QSER1: variants seen among roughly 807,000 people sequenced by gnomAD.
QSER1 encodes the protein glutamine and serine-rich protein 1.
Under a neutral mutation model 158.5 loss-of-function variants are expected in QSER1, and 49 were observed. The observed-to-expected ratio is 0.31, with a 90% CI of 0.25 to 0.39. QSER1 has a LOEUF of 0.39. Ranked by LOEUF, QSER1 falls within the 10% of genes least tolerant of loss-of-function variation. The probability of loss-of-function intolerance (pLI) is 1.00; values close to 1 mark genes in which losing one functional copy is unlikely to be tolerated. For synonymous variants in QSER1, 650 were observed against 715.5 expected (o/e 0.91, Z 1.46); for missense variants, 1,754 against 2,010.3 (o/e 0.87, Z 2.44).
intron 10 of QSER1, among the ~76,000 whole-genome samples, chr11:32,972,406 CTTA>C (rs1250685262): frequency 2.1e-5 from 3 of 140,920 alleles, no homozygotes; most frequent in Admixed American, 1.4e-4. Flanking sequence ...AGGCCAGTGG[CTTA>C]TTTATTTATT....
At chr11:32,957,705 T>C (rs1057061064) in intron 7 of QSER1, 164 bp from the exon 8 acceptor site, 1 of 601,522 alleles carries the variant, frequency 1.7e-6, no homozygotes, top group Non-Finnish European at 2.9e-6. Flanking sequence ...GAAAATTTTA[T>C]GGGAATCACC....
Position 32,931,945 on chromosome 11 carries a change from A to G in QSER1, c.687A>G (p.Leu229=), listed in dbSNP as rs770507707. Residue 229 remains leucine (L), a synonymous_variant, in exon 4 of 13, where the codon CTA becomes CTG. Transcript: ENST00000650167. ...NGILSHHDPL[L]QIKTSQGTVP... is the part of the protein sequence containing the mutation. ...TTTTAAGTCATCATGACCCTTTGCT[A>G]CAAATCAAGACTTCCCAGGGAACTG... The G allele has an allele frequency of 1.7e-5, 27 of 1,614,196 alleles. No individual in the cohort carries two copies. In the East Asian group the frequency reaches 5.6e-4, roughly 33 times the overall value.
chr11:32,914,235 A>G (rs927533373), intron 1 of QSER1, among the ~76,000 whole-genome samples: 1 of 152,226 alleles, frequency 6.6e-6, no homozygotes, highest in Non-Finnish European at 1.5e-5. Context: ...AAAGAACATT[A>G]GGCTTTATAA....
intron 1 of QSER1, among the ~76,000 whole-genome samples, chr11:32,897,839 G>T (rs748981076): frequency 1.3e-5 from 2 of 152,146 alleles, no homozygotes; most frequent in Non-Finnish European, 2.9e-5. Flanking sequence ...CTCTAGTGAG[G>T]CCCATCTCAG....
intron 3 of QSER1, among the ~76,000 whole-genome samples, chr11:32,929,529 A>G (rs1217341492): frequency 6.6e-6 from 1 of 152,158 alleles, no homozygotes; most frequent in Non-Finnish European, 1.5e-5. Context: ...TGATTTTACT[A>G]TCATACGGCC....
rs1852503164 is a variant in QSER1 at position 32,955,934 on chromosome 11, A to G, written c.4618-54A>G. On this transcript the variant is annotated intron_variant, in intron 6 of 12. Transcript: ENST00000650167. ...GGATAGTCAATTGAACAAACAAAGT[A>G]GCATTTGTATCTAGATTGTTCAATT... The G allele has an allele frequency of 2.0e-6, 3 of 1,503,250 alleles. No homozygotes were observed. In the African/African-American group the frequency reaches 4.2e-5, roughly 21 times the overall value. The allele number at this position is 1,503,250 out of a possible 1,614,324, so 93.1% of individuals were successfully genotyped here. A position where few individuals can be genotyped will look rare whatever the true frequency, so the allele number is the denominator to read the frequency against.
intron 1 of QSER1, among the ~76,000 whole-genome samples, chr11:32,911,292 T>C (rs915517784): frequency 1.3e-5 from 2 of 151,920 alleles, no homozygotes; most frequent in African/African-American, 4.8e-5. Flanking sequence ...CTGGGGGTGG[T>C]GGGGGAAGAC....
chr11:32,905,015 G>A (rs1851674374), intron 1 of QSER1, among the ~76,000 whole-genome samples: 11 of 152,158 alleles, frequency 7.2e-5, no homozygotes. Context: ...TAAAGAATAT[G>A]TTTAATGGGG....
In QSER1 at chr11:32,893,492, C is replaced by T. The variant is rs912057852; in HGVS notation, c.209+158C>T. ...CGGGGGAGGCGGCTGATGACTCCTA[C>T]GGGGTGGTCGCGGGTAGGTGGGGGC... On this transcript the variant is annotated intron_variant, in intron 1 of 12. Coordinates refer to ENST00000650167, the MANE Select transcript of QSER1 (RefSeq NM_001076786.3). This position sits in a 1 kb window ranked among gnomAD's most constrained non-coding sequence, Gnocchi z 4.7. 6.6e-6 allele frequency among the ~76,000 whole-genome samples: 1 copy of T among 152,146 alleles called. No individual in the cohort carries two copies. Among genetic ancestry groups the T allele is most frequent in the African/African-American group, 2.4e-5 (1 of 41,448 alleles).
chr11:32,898,527 CACAT>C (rs939967137), intron 1 of QSER1, among the ~76,000 whole-genome samples: 2 of 137,124 alleles, frequency 1.5e-5, no homozygotes, highest in East Asian at 2.2e-4. Context: ...CACACACACA[CACAT>C]TGTAATGTGC....
chr11:32,954,284 GT>G, intron 5 of QSER1, 105 bp downstream of exon 5: 1 of 1,284,978 alleles, frequency 7.8e-7, no homozygotes, highest in Non-Finnish European at 1.1e-6. Flanking sequence ...ATTATGGGAA[GT>G]TTTATGCATT....
rs185578002 is a variant in QSER1, at chr11:32,949,670, C to A, written c.4178-4187C>A. 7.6e-4 allele frequency among the ~76,000 whole-genome samples: 116 copies of A among 152,192 alleles called. 1 individual carries two copies. In the Middle Eastern group the frequency reaches 0.01, roughly 13 times the overall value. On this transcript the variant is annotated intron_variant, in intron 4 of 12. Transcript: ENST00000650167. Reference sequence around the variant, plus strand: ...ATATTTTTGTGACAGAAAAGTATGACAATGTAACTATAGCATTATAGAAAT... The same window carrying A: ...ATATTTTTGTGACAGAAAAGTATGAAAATGTAACTATAGCATTATAGAAAT...
At chr11:32,950,419 T>C (rs77146504) in intron 4 of QSER1, among the ~76,000 whole-genome samples, 3,608 of 152,282 alleles carry the variant, frequency 0.024, 69 homozygotes, top group African/African-American at 0.054. Flanking sequence ...TATTTACTTA[T>C]TGTTGTATAT....
At chr11:32,952,271 T>G (rs1762230352) in intron 4 of QSER1, among the ~76,000 whole-genome samples, 1 of 152,236 alleles carries the variant, frequency 6.6e-6, no homozygotes, top group African/African-American at 2.4e-5. Flanking sequence ...TTTTTCTAAA[T>G]GTCCTCTGTA....
intron 8 of QSER1, among the ~76,000 whole-genome samples, chr11:32,963,626 C>T (rs1206339193): frequency 2.0e-5 from 3 of 151,038 alleles, no homozygotes; most frequent in African/African-American, 4.9e-5. Context: ...GCTGGGATTA[C>T]GTGCATGAGC....
intron 8 of QSER1, 131 bp downstream of exon 8, chr11:32,958,217 GT>G: frequency 1.3e-6 from 1 of 786,028 alleles, no homozygotes; most frequent in Non-Finnish European, 2.0e-6. Context: ...TTCTGTTTAG[GT>G]TTTTATGAAA....
intron 10 of QSER1, among the ~76,000 whole-genome samples, chr11:32,972,856 C>G (rs1852894210): frequency 6.6e-6 from 1 of 152,178 alleles, no homozygotes; most frequent in Non-Finnish European, 1.5e-5. Context: ...TCAAAATAAG[C>G]AAGAGAAGAG....
intron 1 of QSER1, among the ~76,000 whole-genome samples, chr11:32,923,488 A>G (rs558393782): frequency 5.3e-5 from 8 of 151,956 alleles, no homozygotes; most frequent in Admixed American, 3.9e-4. Context: ...AGCCTGACCA[A>G]CATGGCAAAA....
chr11:32,948,812 C>T (rs1852378537), intron 4 of QSER1, among the ~76,000 whole-genome samples: 1 of 151,986 alleles, frequency 6.6e-6, no homozygotes, highest in South Asian at 2.1e-4. Context: ...CATAATGAAA[C>T]CCAATTCTGG....
Sources: gnomAD v4.1 joint callset for allele counts (sites outside exome capture counted in the v4.1 genomes callset) on GRCh38, gnomAD v4.1.1 for gene constraint, Gnocchi (gnomAD v3.1) non-coding constraint, MANE v1.5 for transcripts, NCBI Gene and HGNC (gene_info 2026-07-23, HGNC 2026-07-21) for gene names.